Variants in NRG1 observed in about 807,000 individuals in gnomAD.
NRG1 encodes the protein pro-neuregulin-1, membrane-bound isoform.
In NRG1, 18 loss-of-function variants were observed where a neutral mutation model predicts 63.8. The ratio of observed to expected loss-of-function variants is 0.28; its 90% CI spans 0.19 to 0.42. NRG1 has a LOEUF of 0.42. NRG1 is among the 10% of genes least tolerant of loss of function. NRG1 has a pLI of 1.00. For synonymous variants in NRG1, 302 were observed against 301.3 expected (o/e 1.00, Z -0.02); for missense variants, 762 against 814.7 (o/e 0.94, Z 0.79).
chr8:32,065,791 C>T (rs1824693785), intron 1 of NRG1, among the ~76,000 whole-genome samples: 1 of 152,186 alleles, frequency 6.6e-6, no homozygotes, highest in Admixed American at 6.5e-5. Context: ...AACTAGTTTA[C>T]AGTCCCACCA....
At chr8:31,755,653 A>G (rs1196734662) in intron 1 of NRG1, among the ~76,000 whole-genome samples, 1 of 152,106 alleles carries the variant, frequency 6.6e-6, no homozygotes, top group African/African-American at 2.4e-5. Context: ...TGATTAACCA[A>G]TATACCTGAC....
chr8:32,047,044 G>C (rs1203183487), intron 1 of NRG1, among the ~76,000 whole-genome samples: 1 of 151,970 alleles, frequency 6.6e-6, no homozygotes, highest in Non-Finnish European at 1.5e-5. Context: ...TTTTCCCAAC[G>C]TATTTTTTTG....
rs567869508 is a variant in NRG1, at chr8:31,916,975, A to G, written c.37+277544A>G. 2.6e-5 allele frequency among the ~76,000 whole-genome samples: 4 copies of G among 151,906 alleles called. No individual in the cohort carries two copies. In the East Asian group the frequency reaches 5.8e-4, roughly 22 times the overall value. On this transcript the variant is annotated intron_variant, in intron 1 of 10. Coordinates refer to the NRG1 transcript ENST00000519301. ...GGCCAGTGATGGCAAGCATTTTTTCATGTGTTTTTTGGCTGCATAAATGTC... is the reference window on the plus strand; with the variant it reads ...GGCCAGTGATGGCAAGCATTTTTTCGTGTGTTTTTTGGCTGCATAAATGTC...
chr8:31,861,584 T>C (rs1235119625), intron 1 of NRG1, among the ~76,000 whole-genome samples: 3 of 152,156 alleles, frequency 2.0e-5, no homozygotes, highest in Non-Finnish European at 2.9e-5. Flanking sequence ...AACTGCTGCA[T>C]TGCAGTCAGC....
chr8:32,751,054 C>T (rs1180823953), intron 7 of NRG1: 2 of 152,116 alleles, frequency 1.3e-5, no homozygotes, highest in Non-Finnish European at 2.9e-5. Context: ...TTGTTTCTGT[C>T]CCCAACAGTA....
At chr8:32,753,603 T>C (rs991037104) in intron 7 of NRG1, among the ~76,000 whole-genome samples, 14 of 152,200 alleles carry the variant, frequency 9.2e-5, no homozygotes, top group African/African-American at 1.7e-4. Context: ...GTAGTTAGAA[T>C]TGTCTTCCAA....
intron 1 of NRG1, among the ~76,000 whole-genome samples, chr8:31,690,171 GCTTCCC>G (rs1267016324): frequency 3.9e-5 from 6 of 152,300 alleles, no homozygotes; most frequent in South Asian, 4.1e-4. Context: ...TGATGTGTTT[GCTTCCC>G]CTTCCACCAT....
chr8:31,942,850 C>T (rs540858179), intron 1 of NRG1, among the ~76,000 whole-genome samples: 42 of 149,028 alleles, frequency 2.8e-4, no homozygotes, highest in African/African-American at 1.0e-3. Flanking sequence ...TACCACCTTA[C>T]TTCCTCAAGA....
intron 5 of NRG1, among the ~76,000 whole-genome samples, chr8:32,682,891 CTAGA>C (rs1342609147): frequency 6.6e-6 from 1 of 151,924 alleles, no homozygotes; most frequent in East Asian, 1.9e-4. Context: ...AAGAAAATTC[CTAGA>C]TAAACTTTGG....
intron 1 of NRG1, among the ~76,000 whole-genome samples, chr8:31,850,700 C>T (rs551005545): frequency 6.6e-6 from 1 of 152,308 alleles, no homozygotes; most frequent in South Asian, 2.1e-4. Flanking sequence ...ACAATATTCA[C>T]TCATCAGCTC....
chr8:31,885,884 A>G (rs539737418), intron 1 of NRG1, among the ~76,000 whole-genome samples: 1 of 152,228 alleles, frequency 6.6e-6, no homozygotes, highest in African/African-American at 2.4e-5. Flanking sequence ...GGTTATTAAT[A>G]TTACGGAGAA....
chr8:31,651,555 C>A (rs1277471775), intron 1 of NRG1, among the ~76,000 whole-genome samples: 1 of 152,056 alleles, frequency 6.6e-6, no homozygotes. Flanking sequence ...GGCTGCAGGG[C>A]GAGGCTTCCT....
At chr8:31,639,405 G>C in exon 1 of NRG1, 1 of 1,534,896 alleles carries the variant, frequency 6.5e-7, no homozygotes, top group South Asian at 1.2e-5. Context: ...ATGGGGAAAG[G>C]ACGCGCGGGC....
chr8:32,046,446 G>A (rs944113141), intron 1 of NRG1, among the ~76,000 whole-genome samples: 1 of 152,016 alleles, frequency 6.6e-6, no homozygotes, highest in African/African-American at 2.4e-5. Context: ...CCATTCCTTA[G>A]TATTTATGCT....
At chr8:31,650,949 A>T (rs923003433) in intron 1 of NRG1, among the ~76,000 whole-genome samples, 22 of 152,204 alleles carry the variant, frequency 1.4e-4, no homozygotes, top group Admixed American at 6.5e-5. Context: ...ACGAGAAGGT[A>T]AAATGCTTTT....
intron 1 of NRG1, among the ~76,000 whole-genome samples, chr8:32,044,346 C>T (rs375203215): frequency 3.2e-4 from 48 of 151,944 alleles, no homozygotes; most frequent in African/African-American, 1.0e-3. Context: ...GAAATATTCA[C>T]AATTATACTT....
chr8:32,174,488 C>A (rs1840459944), intron 1 of NRG1, among the ~76,000 whole-genome samples: 1 of 152,026 alleles, frequency 6.6e-6, no homozygotes, highest in Non-Finnish European at 1.5e-5. Context: ...AAGATCAGAG[C>A]AGAACTGAAG....
intron 1 of NRG1, among the ~76,000 whole-genome samples, chr8:32,278,588 C>T (rs1268238546): frequency 1.3e-5 from 2 of 151,000 alleles, no homozygotes; most frequent in African/African-American, 4.9e-5. Flanking sequence ...ACAGTATTTG[C>T]AGCTCTGCCC....
chr8:31,761,317 G>T (rs1166828082), intron 1 of NRG1, among the ~76,000 whole-genome samples: 1 of 151,574 alleles, frequency 6.6e-6, no homozygotes, highest in Non-Finnish European at 1.5e-5. Context: ...TGAGGGGAGT[G>T]GGGAGGGATA....
Sources: gnomAD v4.1 joint callset for allele counts (sites outside exome capture counted in the v4.1 genomes callset) on GRCh38, gnomAD v4.1.1 for gene constraint, MANE v1.5 for transcripts, NCBI Gene and HGNC (gene_info 2026-07-23, HGNC 2026-07-21) for gene names.